CDH13: variants seen among roughly 807,000 people sequenced by gnomAD.
CDH13 encodes cadherin-13.
Under a neutral mutation model 63.8 loss-of-function variants are expected in CDH13, and 24 were observed. The observed-to-expected ratio is 0.38, with a 90% CI of 0.27 to 0.53. The LOEUF (loss-of-function observed/expected upper bound fraction) is 0.53. CDH13 is among the 20% of genes least tolerant of loss of function. The pLI, the probability that CDH13 is intolerant of heterozygous loss-of-function variation, is 0.85. For missense variants in CDH13, 1,049 were observed against 903.1 expected, an observed-to-expected ratio of 1.16 and a Z score of -2.07; for synonymous variants, 503 against 355.3, an observed-to-expected ratio of 1.42 and a Z score of -4.67.
intron 6 of CDH13, among the ~76,000 whole-genome samples, chr16:83,399,845 C>T (rs1005171666): frequency 6.6e-6 from 1 of 152,166 alleles, no homozygotes; most frequent in Non-Finnish European, 1.5e-5. Context: ...AGCAGGCATT[C>T]AAACAGCTGT....
chr16:82,748,769 A>C (rs1333077565), intron 1 of CDH13, among the ~76,000 whole-genome samples: 1 of 152,182 alleles, frequency 6.6e-6, no homozygotes, highest in Non-Finnish European at 1.5e-5. Flanking sequence ...AAGAGCCAGG[A>C]TGGTAGAAGA....
intron 5 of CDH13, among the ~76,000 whole-genome samples, chr16:83,335,858 C>T (rs1254145884): frequency 1.3e-5 from 2 of 152,084 alleles, no homozygotes; most frequent in African/African-American, 4.8e-5. Context: ...TTAAAAGGGA[C>T]AGGAATTGCT....
At chr16:83,269,260 TC>T (rs2151843763) in intron 5 of CDH13, among the ~76,000 whole-genome samples, 1 of 152,284 alleles carries the variant, frequency 6.6e-6, no homozygotes, top group South Asian at 2.1e-4. Flanking sequence ...ATGAGGCCCC[TC>T]CCCAGAACTC....
intron 8 of CDH13, among the ~76,000 whole-genome samples, chr16:83,622,880 C>T (rs1214284932): frequency 6.6e-6 from 1 of 152,114 alleles, no homozygotes; most frequent in Non-Finnish European, 1.5e-5. Flanking sequence ...ACACAGGCTG[C>T]GGGCTGAAGG....
At chr16:83,263,518 A>G (rs1468446781) in intron 5 of CDH13, among the ~76,000 whole-genome samples, 3 of 152,228 alleles carry the variant, frequency 2.0e-5, no homozygotes, top group Non-Finnish European at 4.4e-5. Flanking sequence ...CTTGGTTCAT[A>G]GGAATGGTCT....
chr16:82,956,938 G>A (rs1245054604), intron 2 of CDH13, among the ~76,000 whole-genome samples: 1 of 152,168 alleles, frequency 6.6e-6, no homozygotes, highest in Non-Finnish European at 1.5e-5. Context: ...GATTGACATG[G>A]TGGCCCCACT....
At chr16:82,912,598 C>A (rs2041865507) in intron 2 of CDH13, among the ~76,000 whole-genome samples, 1 of 152,158 alleles carries the variant, frequency 6.6e-6, no homozygotes, top group African/African-American at 2.4e-5. Context: ...GCTCCATTGA[C>A]CCTAGGGAGG....
intron 3 of CDH13, among the ~76,000 whole-genome samples, chr16:83,083,495 T>G (rs879741940): frequency 3.3e-5 from 5 of 152,166 alleles, no homozygotes; most frequent in African/African-American, 4.8e-5. Flanking sequence ...GAAATTGAGA[T>G]TTGGAGAGAT....
At chr16:83,503,472 G>A (rs1237565780) in intron 7 of CDH13, among the ~76,000 whole-genome samples, 1 of 152,126 alleles carries the variant, frequency 6.6e-6, no homozygotes, top group African/African-American at 2.4e-5. Flanking sequence ...GAGGCCGGAA[G>A]GGGAAGAGAA....
intron 7 of CDH13, among the ~76,000 whole-genome samples, chr16:83,519,961 T>C (rs1435254133): frequency 6.6e-6 from 1 of 152,066 alleles, no homozygotes; most frequent in Non-Finnish European, 1.5e-5. Context: ...AAATTTCAGG[T>C]AAAAACAGCA....
chr16:83,537,309 C>T (rs892147181), intron 7 of CDH13, among the ~76,000 whole-genome samples: 14 of 152,302 alleles, frequency 9.2e-5, no homozygotes, highest in African/African-American at 3.4e-4. Context: ...GATCTATGCA[C>T]AAAAATTTGT....
At chr16:83,300,592 G>T (rs531027758) in intron 5 of CDH13, among the ~76,000 whole-genome samples, 4 of 152,338 alleles carry the variant, frequency 2.6e-5, no homozygotes, top group African/African-American at 9.6e-5. Context: ...ATGCCAGGCA[G>T]GGTCTGGGGA....
intron 6 of CDH13, among the ~76,000 whole-genome samples, chr16:83,380,961 TAG>T (rs2091556162): frequency 6.6e-6 from 1 of 152,060 alleles, no homozygotes; most frequent in Middle Eastern, 3.2e-3. Context: ...GGCACTCTCT[TAG>T]AGTTAGTATA....
intron 7 of CDH13, among the ~76,000 whole-genome samples, chr16:83,586,864 C>CAAGA (rs1567786469): frequency 2.0e-5 from 3 of 151,924 alleles, no homozygotes; most frequent in Non-Finnish European, 4.4e-5. Flanking sequence ...TGTGGTGTAA[C>CAAGA]TGGAATCCAT....
chr16:82,861,276 C>G (rs1224407480), intron 2 of CDH13, among the ~76,000 whole-genome samples: 1 of 152,146 alleles, frequency 6.6e-6, no homozygotes, highest in African/African-American at 2.4e-5. Context: ...CATATTTTTC[C>G]TTTATCTTTG....
At position 82,644,315 on chromosome 16, in the gene CDH13, C is replaced by T. The variant is rs968060819; in HGVS notation, c.45+17178C>T. Among the ~76,000 whole-genome samples the T allele has an allele frequency of 5.3e-5, 8 of 152,082 alleles. No homozygotes were observed. The highest frequency in any genetic ancestry group is 2.1e-4 in the South Asian group (1 of 4,816). On this transcript the variant is annotated intron_variant, in intron 1 of 13. Transcript: ENST00000567109. The surrounding 1 kb of genome is among the most constrained non-coding windows in gnomAD (Gnocchi z 5.7). ...TCATCACTCTGCAAATCAAGGCCCC[C>T]CGAACTCCTCCCACCCCTGCCTTCT...
At chr16:82,710,552 A>AAAAAAAAAAAT (rs60196638) in intron 1 of CDH13, among the ~76,000 whole-genome samples, 1 of 63,768 alleles carries the variant, frequency 1.6e-5, no homozygotes, top group Non-Finnish European at 3.0e-5. Context: ...AAAAAAAAAA[A>AAAAAAAAAAAT]ATATATATAT....
intron 4 of CDH13, among the ~76,000 whole-genome samples, chr16:83,131,182 A>ACCCCCCCCCCCCCCC (rs1173636265): frequency 5.8e-5 from 5 of 86,348 alleles, no homozygotes; most frequent in African/African-American, 2.1e-4. Context: ...GGGGTGTATG[A>ACCCCCCCCCCCCCCC]CCCCCCCCCC....
At chr16:82,682,127 T>TTC (rs1298405364) in intron 1 of CDH13, among the ~76,000 whole-genome samples, 2 of 152,246 alleles carry the variant, frequency 1.3e-5, no homozygotes, top group Admixed American at 1.3e-4. Context: ...CTGGCTTGTG[T>TTC]TCATTTTGCC....
Sources: gnomAD v4.1 joint callset for allele counts (sites outside exome capture counted in the v4.1 genomes callset) on GRCh38, gnomAD v4.1.1 for gene constraint, Gnocchi (gnomAD v3.1) non-coding constraint, MANE v1.5 for transcripts, NCBI Gene and HGNC (gene_info 2026-07-23, HGNC 2026-07-21) for gene names.